The following EPB41L4A variants were observed in gnomAD, a reference collection of about 807,000 sequenced individuals.
EPB41L4A encodes band 4.1-like protein 4A.
EPB41L4A carries 100 observed loss-of-function variants against 108.6 expected under a neutral mutation model. The observed-to-expected ratio is 0.92, with a 90% CI of 0.78 to 1.09. The LOEUF (loss-of-function observed/expected upper bound fraction) is 1.09. EPB41L4A is among the 50% of genes least tolerant of loss of function. EPB41L4A has a pLI of 0.00. For missense variants in EPB41L4A, 1,030 were observed against 842.7 expected, an observed-to-expected ratio of 1.22 and a Z score of -2.75; for synonymous variants, 319 against 289.0, an observed-to-expected ratio of 1.10 and a Z score of -1.05.
chr5:112,384,561 C>T (rs1760377967), intron 1 of EPB41L4A, among the ~76,000 whole-genome samples: 1 of 151,968 alleles, frequency 6.6e-6, no homozygotes, highest in South Asian at 2.1e-4. Flanking sequence ...CATATTTTTC[C>T]TTCTCATGGA....
At chr5:112,280,186 T>C (rs750615793) in intron 3 of EPB41L4A, 86 bp downstream of exon 3, 2 of 1,168,242 alleles carry the variant, frequency 1.7e-6, no homozygotes, top group Non-Finnish European at 2.6e-6. Flanking sequence ...TCTCCAGTAC[T>C]AAAGCCCACT....
intron 1 of EPB41L4A, among the ~76,000 whole-genome samples, chr5:112,324,563 A>C (rs1332146280): frequency 6.6e-6 from 1 of 152,006 alleles, no homozygotes; most frequent in Non-Finnish European, 1.5e-5. Context: ...TCTCTACTAA[A>C]AATACAAAAA....
chr5:112,418,083 T>C (rs1000777087), intron 1 of EPB41L4A, among the ~76,000 whole-genome samples: 4 of 152,154 alleles, frequency 2.6e-5, no homozygotes, highest in African/African-American at 9.7e-5. Context: ...GACTCAGCTG[T>C]TGCCTTATCT....
intron 1 of EPB41L4A, among the ~76,000 whole-genome samples, chr5:112,413,292 A>G (rs1348803118): frequency 1.3e-5 from 2 of 152,224 alleles, no homozygotes; most frequent in Non-Finnish European, 2.9e-5. Flanking sequence ...AGTCCACTGC[A>G]CCGTCTCATT....
chr5:112,305,318 G>T (rs939816173), intron 2 of EPB41L4A, among the ~76,000 whole-genome samples: 16 of 152,108 alleles, frequency 1.1e-4, no homozygotes, highest in African/African-American at 3.4e-4. Flanking sequence ...TAATAATGGA[G>T]AATGATGAGT....
At chr5:112,346,564 T>C (rs933418633) in intron 1 of EPB41L4A, among the ~76,000 whole-genome samples, 4 of 152,042 alleles carry the variant, frequency 2.6e-5, no homozygotes, top group Admixed American at 2.6e-4. Flanking sequence ...GTGAAAGAAC[T>C]AATAAAATGC....
At chr5:112,349,417 T>A (rs959428617) in intron 1 of EPB41L4A, among the ~76,000 whole-genome samples, 1 of 152,134 alleles carries the variant, frequency 6.6e-6, no homozygotes. Flanking sequence ...AAAGAGTTTG[T>A]GCAGCATTGC....
intron 1 of EPB41L4A, among the ~76,000 whole-genome samples, chr5:112,308,881 T>A (rs1373979475): frequency 6.6e-6 from 1 of 152,184 alleles, no homozygotes; most frequent in Non-Finnish European, 1.5e-5. Flanking sequence ...TTTTTTCCAA[T>A]CTGATTGAGC....
chr5:112,323,057 C>T (rs6594588), intron 1 of EPB41L4A, among the ~76,000 whole-genome samples: 1 of 149,844 alleles, frequency 6.7e-6, no homozygotes, highest in Non-Finnish European at 1.5e-5. Context: ...AAAGTATAGT[C>T]GTTGCCAAGA....
intron 9 of EPB41L4A, 141 bp downstream of exon 9, chr5:112,259,088 A>G: frequency 4.5e-6 from 3 of 661,388 alleles, no homozygotes; most frequent in Non-Finnish European, 8.1e-6. Context: ...TCCTTCCTTG[A>G]GAAGTTGTGC....
chr5:112,253,786 A>G (rs1040579849), intron 9 of EPB41L4A, among the ~76,000 whole-genome samples: 9 of 152,210 alleles, frequency 5.9e-5, no homozygotes, highest in Admixed American at 3.3e-4. Flanking sequence ...CAGTAAATGA[A>G]TATGTTCTTC....
chr5:112,376,548 T>C (rs1440960565), intron 1 of EPB41L4A, among the ~76,000 whole-genome samples: 1 of 152,202 alleles, frequency 6.6e-6, no homozygotes, highest in Non-Finnish European at 1.5e-5. Flanking sequence ...CTCAGAGAAA[T>C]GAAATTTTAT....
intron 9 of EPB41L4A, chr5:112,250,644 C>A (rs139656935): frequency 5.3e-5 from 8 of 152,122 alleles, no homozygotes; most frequent in African/African-American, 1.7e-4. Flanking sequence ...GAATAAGTGG[C>A]CCATGTGTTT....
intron 1 of EPB41L4A, among the ~76,000 whole-genome samples, chr5:112,364,223 ACCATGTT>A (rs1488799096): frequency 6.6e-6 from 1 of 152,068 alleles, no homozygotes; most frequent in African/African-American, 2.4e-5. Flanking sequence ...ATGGGATTTC[ACCATGTT>A]GGCCAGGCTG....
At chr5:112,268,780 T>C (rs1752047375) in intron 4 of EPB41L4A, among the ~76,000 whole-genome samples, 1 of 139,334 alleles carries the variant, frequency 7.2e-6, no homozygotes, top group South Asian at 2.4e-4. Flanking sequence ...AAGGTTGAGG[T>C]TGCAGTGAAC....
At chr5:112,387,377 A>G (rs1360349946) in intron 1 of EPB41L4A, among the ~76,000 whole-genome samples, 1 of 152,228 alleles carries the variant, frequency 6.6e-6, no homozygotes, top group Non-Finnish European at 1.5e-5. Context: ...CTGAAATCCC[A>G]GCACTTTGGG....
intron 20 of EPB41L4A, 29 bp downstream of exon 20, chr5:112,170,272 T>A (rs747291105): frequency 6.2e-7 from 1 of 1,602,284 alleles, no homozygotes; most frequent in African/African-American, 1.3e-5. Flanking sequence ...TAATAAAGCT[T>A]TGGTGAGAAG....
At chr5:112,395,697 A>T in intron 1 of EPB41L4A, among the ~76,000 whole-genome samples, 1 of 152,220 alleles carries the variant, frequency 6.6e-6, no homozygotes, top group Non-Finnish European at 1.5e-5. Context: ...CAATTCCTCA[A>T]GGAATCTAGA....
intron 1 of EPB41L4A, among the ~76,000 whole-genome samples, chr5:112,413,513 T>C (rs988155742): frequency 6.6e-6 from 1 of 152,228 alleles, no homozygotes; most frequent in African/African-American, 2.4e-5. Flanking sequence ...ACATGAAGTA[T>C]ACAGCTCTGA....
Sources: gnomAD v4.1 joint callset for allele counts (sites outside exome capture counted in the v4.1 genomes callset) on GRCh38, gnomAD v4.1.1 for gene constraint, MANE v1.5 for transcripts, NCBI Gene and HGNC (gene_info 2026-07-23, HGNC 2026-07-21) for gene names.